Variants in ARFIP1 observed in about 807,000 individuals in gnomAD.
The protein encoded by ARFIP1 is arfaptin-1.
A neutral mutation model predicts 42.5 loss-of-function variants in ARFIP1; 24 were observed. That is an observed-to-expected ratio of 0.57 (90% CI 0.41 to 0.80). The LOEUF is 0.80. Ranked by LOEUF, ARFIP1 falls within the 30% of genes least tolerant of loss-of-function variation. ARFIP1 has a pLI of 0.00. For synonymous variants in ARFIP1, 141 were observed against 153.7 expected, an observed-to-expected ratio of 0.92 and a Z score of 0.61; for missense variants, 354 against 434.0, an observed-to-expected ratio of 0.82 and a Z score of 1.64.
chr4:152,832,112 T>A (rs1341888748), intron 2 of ARFIP1, among the ~76,000 whole-genome samples: 1 of 152,174 alleles, frequency 6.6e-6, no homozygotes, highest in African/African-American at 2.4e-5. Flanking sequence ...TGTACTTGAT[T>A]ATTTGTTTTT....
intron 1 of ARFIP1, among the ~76,000 whole-genome samples, chr4:152,785,963 A>G (rs1036651298): frequency 4.6e-5 from 7 of 152,358 alleles, no homozygotes; most frequent in Middle Eastern, 6.8e-3. Context: ...ATAAAACTTT[A>G]AAATGCGACA....
intron 8 of ARFIP1, among the ~76,000 whole-genome samples, chr4:152,892,172 G>T (rs1736915623): frequency 6.6e-6 from 1 of 152,122 alleles, no homozygotes. Flanking sequence ...CTCCCAAGCA[G>T]CTGGGACTAC....
chr4:152,798,249 C>T (rs967758143), intron 1 of ARFIP1, among the ~76,000 whole-genome samples: 1 of 151,978 alleles, frequency 6.6e-6, no homozygotes, highest in Non-Finnish European at 1.5e-5. Flanking sequence ...GGCGACAGAG[C>T]GAGACACCGT....
intron 1 of ARFIP1, among the ~76,000 whole-genome samples, 188 bp downstream of exon 1, chr4:152,780,414 C>T (rs1730414144): frequency 1.3e-5 from 2 of 152,224 alleles, no homozygotes; most frequent in Admixed American, 1.3e-4. Context: ...CCTTCTGTCC[C>T]TCTGAGTGTG....
chr4:152,798,179 C>G (rs961293774), intron 1 of ARFIP1, among the ~76,000 whole-genome samples: 2 of 152,162 alleles, frequency 1.3e-5, no homozygotes, highest in South Asian at 4.1e-4. Flanking sequence ...AGGAGAATCG[C>G]TTGAACCCGG....
intron 1 of ARFIP1, among the ~76,000 whole-genome samples, chr4:152,789,672 C>A (rs1211118086): frequency 6.6e-6 from 1 of 152,142 alleles, no homozygotes; most frequent in East Asian, 1.9e-4. Context: ...TTATATCAGT[C>A]TGACTCATGG....
intron 1 of ARFIP1, among the ~76,000 whole-genome samples, chr4:152,801,298 G>A (rs1243899879): frequency 6.6e-6 from 1 of 152,150 alleles, no homozygotes; most frequent in Non-Finnish European, 1.5e-5. Context: ...GTGAGGAAGA[G>A]AATCGTGAAA....
intron 1 of ARFIP1, among the ~76,000 whole-genome samples, chr4:152,807,872 T>TG (rs1729110171): frequency 6.6e-6 from 1 of 152,244 alleles, no homozygotes; most frequent in African/African-American, 2.4e-5. Flanking sequence ...AGATAACCAC[T>TG]GTTCTGCCTA....
intron 8 of ARFIP1, among the ~76,000 whole-genome samples, chr4:152,889,818 T>C (rs1579017514): frequency 9.0e-6 from 1 of 110,944 alleles, no homozygotes; most frequent in Middle Eastern, 6.3e-3. Flanking sequence ...ACTATATATA[T>C]ACTATATATA....
intron 1 of ARFIP1, chr4:152,809,945 C>G (rs937111085): frequency 6.6e-6 from 1 of 152,120 alleles, no homozygotes; most frequent in Non-Finnish European, 1.5e-5. Flanking sequence ...TTAGAATGTA[C>G]TTGAACTTAA....
At chr4:152,891,637 T>C (rs892902855) in intron 8 of ARFIP1, among the ~76,000 whole-genome samples, 2 of 152,194 alleles carry the variant, frequency 1.3e-5, no homozygotes, top group Admixed American at 1.3e-4. Context: ...GGTGAATTTG[T>C]ACCTCAACAT....
At chr4:152,844,542 A>G (rs1732385198) in intron 2 of ARFIP1, among the ~76,000 whole-genome samples, 1 of 152,194 alleles carries the variant, frequency 6.6e-6, no homozygotes, top group African/African-American at 2.4e-5. Context: ...TGGAAGGCAG[A>G]AAAGGAAAAC....
rs934640176 is a variant in ARFIP1, at chr4:152,881,121, A to C, written c.570A>C (p.Val190=). 1 of 1,613,968 alleles carries C rather than the reference A, an allele frequency of 6.2e-7. No individual in the cohort carries two copies. Among genetic ancestry groups the C allele is most frequent in the South Asian group, 1.1e-5 (1 of 91,014 alleles). ...TGTCGACCCAGCTTTTCCAGATGGT[A>C]CATACCCAAAGGCAACTTGGAGATG... ...QTLSTQLFQM[V]HTQRQLGDAF... is the part of the protein sequence containing the mutation. The change falls in exon 6 of 9, where the codon GTA becomes GTC. Residue 190 remains valine (V), a synonymous_variant. Coordinates refer to ENST00000353617, the MANE Select transcript of ARFIP1 (RefSeq NM_001025595.3).
intron 7 of ARFIP1, 126 bp from the exon 8 acceptor site, chr4:152,888,007 A>G (rs1344633432): frequency 4.3e-5 from 25 of 585,426 alleles, no homozygotes; most frequent in Admixed American, 1.1e-4. Flanking sequence ...CGTCAAGTAG[A>G]ATATGTGTGA....
chr4:152,823,193 T>C (rs745531307), intron 1 of ARFIP1, among the ~76,000 whole-genome samples: 7 of 152,072 alleles, frequency 4.6e-5, no homozygotes, highest in Admixed American at 1.3e-4. Context: ...ATAATCTCAA[T>C]TGGAAATGAA....
At chr4:152,875,916 T>C (rs1735292684) in intron 5 of ARFIP1, among the ~76,000 whole-genome samples, 1 of 152,090 alleles carries the variant, frequency 6.6e-6, no homozygotes, top group Non-Finnish European at 1.5e-5. Context: ...TCACAAGATC[T>C]GGTGGGTTTA....
At chr4:152,831,568 C>T (rs780558253) in intron 2 of ARFIP1, among the ~76,000 whole-genome samples, 7 of 152,210 alleles carry the variant, frequency 4.6e-5, no homozygotes, top group Non-Finnish European at 1.0e-4. Flanking sequence ...CAGAAGGCTT[C>T]CTTATGCCCT....
At chr4:152,895,704 G>A (rs1737263034) in intron 8 of ARFIP1, among the ~76,000 whole-genome samples, 1 of 151,728 alleles carries the variant, frequency 6.6e-6, no homozygotes, top group African/African-American at 2.4e-5. Context: ...GGGATGACAG[G>A]CATGTGCTGC....
chr4:152,826,357 A>C (rs1730837847), intron 1 of ARFIP1, among the ~76,000 whole-genome samples: 1 of 152,196 alleles, frequency 6.6e-6, no homozygotes, highest in South Asian at 2.1e-4. Flanking sequence ...ATTCTAAGTG[A>C]AACAACTCAG....
Sources: allele counts gnomAD v4.1 joint callset (sites outside exome capture counted in the v4.1 genomes callset), GRCh38; gene constraint gnomAD v4.1.1; transcripts MANE v1.5; gene names NCBI Gene and HGNC (gene_info 2026-07-23, HGNC 2026-07-21).